The following NOX3 variants were observed in gnomAD, a reference collection of about 807,000 sequenced individuals.
NOX3 encodes the protein NADPH oxidase 3.
In NOX3, 74 loss-of-function variants were observed where a neutral mutation model predicts 76.7. That is an observed-to-expected ratio of 0.96 (90% CI 0.80 to 1.17). The LOEUF (loss-of-function observed/expected upper bound fraction) is 1.17. Among genes scored for constraint, NOX3 ranks in the 50% most tolerant of loss-of-function variants. The probability of loss-of-function intolerance (pLI) is 0.00; values close to 1 mark genes in which losing one functional copy is unlikely to be tolerated. For missense variants in NOX3, 695 were observed against 703.3 expected (o/e 0.99, Z 0.13); for synonymous variants, 263 against 261.1 (o/e 1.01, Z -0.07).
chr6:155,426,999 G>GTGTGTGTGTGTA (rs1554263758), intron 9 of NOX3, among the ~76,000 whole-genome samples: 69 of 119,816 alleles, frequency 5.8e-4, no homozygotes, highest in African/African-American at 1.4e-3. Flanking sequence ...GTGTGTGTGT[G>GTGTGTGTGTGTA]TGTGTGTGTG....
intron 10 of NOX3, among the ~76,000 whole-genome samples, chr6:155,420,600 T>C (rs1776676985): frequency 1.3e-5 from 2 of 152,330 alleles, no homozygotes; most frequent in East Asian, 1.9e-4. Flanking sequence ...AGGGTCCTCA[T>C]CAGTATTGAG....
intron 7 of NOX3, among the ~76,000 whole-genome samples, chr6:155,432,541 C>T (rs1261494591): frequency 1.3e-5 from 2 of 151,170 alleles, no homozygotes; most frequent in African/African-American, 4.8e-5. Context: ...GGTCACAAGT[C>T]TTTTAGCATT....
intron 9 of NOX3, 43 bp from the exon 10 acceptor site, chr6:155,422,899 C>A: frequency 6.2e-7 from 1 of 1,605,328 alleles, no homozygotes; most frequent in Non-Finnish European, 8.5e-7. Flanking sequence ...CTTCAGAACA[C>A]CTTGCTCGTG....
At position 155,453,932 on chromosome 6, in the gene NOX3, T is replaced by A. The variant is rs139340285; in HGVS notation, c.256-444A>T. ...CCTCGGAGATATTGTGGGTTTGATTTCAGACCACTGCAATAAAGCAAATAT... is the reference window on the plus strand; with the variant it reads ...CCTCGGAGATATTGTGGGTTTGATTACAGACCACTGCAATAAAGCAAATAT... On this transcript the variant is annotated intron_variant, in intron 3 of 13. Transcript: ENST00000159060. Among the ~76,000 whole-genome samples the A allele has an allele frequency of 2.3e-4, 35 of 152,270 alleles. No individual in the cohort carries two copies. In the East Asian group the frequency reaches 6.4e-3, roughly 28 times the overall value.
At chr6:155,452,818 C>A (rs532293642) in intron 4 of NOX3, among the ~76,000 whole-genome samples, 4 of 152,272 alleles carry the variant, frequency 2.6e-5, no homozygotes, top group African/African-American at 9.6e-5. Flanking sequence ...TCCTTTCTTC[C>A]TCATCAGAGT....
chr6:155,408,955 G>T (rs775153039), intron 11 of NOX3, among the ~76,000 whole-genome samples: 8 of 151,666 alleles, frequency 5.3e-5, no homozygotes, highest in East Asian at 1.9e-4. Context: ...CTCCAAAAGG[G>T]GGGGAGGGTG....
At chr6:155,455,251 T>C in intron 1 of NOX3, 122 bp from the exon 2 acceptor site, 1 of 625,978 alleles carries the variant, frequency 1.6e-6, no homozygotes, top group Non-Finnish European at 2.8e-6. Context: ...TCAGAATTAC[T>C]CCACATATTT....
chr6:155,438,237 C>T (rs922874355), intron 6 of NOX3, among the ~76,000 whole-genome samples: 3 of 152,164 alleles, frequency 2.0e-5, no homozygotes, highest in Non-Finnish European at 4.4e-5. Flanking sequence ...AAAGGGAGGA[C>T]TGACAGTCTC....
intron 12 of NOX3, among the ~76,000 whole-genome samples, chr6:155,400,788 C>A (rs1779214158): frequency 6.6e-6 from 1 of 152,156 alleles, no homozygotes. Flanking sequence ...CCTGCCCACA[C>A]TCCACAGGCT....
At chr6:155,429,530 T>TCTTCAAACTCA (rs1376515054) in intron 8 of NOX3, among the ~76,000 whole-genome samples, 4 of 152,246 alleles carry the variant, frequency 2.6e-5, no homozygotes, top group African/African-American at 9.6e-5. Context: ...TGAAAAACAA[T>TCTTCAAACTCA]CTTCAAACTC....
intron 10 of NOX3, 50 bp from the exon 11 acceptor site, chr6:155,411,410 C>G (rs1562459979): frequency 6.6e-7 from 1 of 1,520,324 alleles, no homozygotes; most frequent in South Asian, 1.3e-5. Context: ...TTCATATGTG[C>G]TGATAATCAC....
intron 4 of NOX3, among the ~76,000 whole-genome samples, chr6:155,447,418 A>T (rs1354165607): frequency 6.6e-6 from 1 of 152,194 alleles, no homozygotes; most frequent in East Asian, 1.9e-4. Context: ...CCACATGAGA[A>T]TTTGACACTG....
chr6:155,449,769 G>T lies in NOX3; in HGVS notation c.340+3635C>A, dbSNP rs371591863. On this transcript the variant is annotated intron_variant, in intron 4 of 13. Transcript: ENST00000159060. Reference sequence around the variant, plus strand: ...TTGGCATGCAAACTTCGATGTGGTCGCACTTTTTCCAAGGTTACACACCTC... The same window carrying T: ...TTGGCATGCAAACTTCGATGTGGTCTCACTTTTTCCAAGGTTACACACCTC... Among the ~76,000 whole-genome samples the T allele has an allele frequency of 2.0e-5, 3 of 152,220 alleles. No individual in the cohort carries two copies. In the South Asian group the frequency reaches 6.2e-4, roughly 32 times the overall value.
At chr6:155,398,812 T>C (rs1426217705) in intron 12 of NOX3, among the ~76,000 whole-genome samples, 2 of 152,354 alleles carry the variant, frequency 1.3e-5, no homozygotes, top group Non-Finnish European at 2.9e-5. Context: ...GTTTCTCATC[T>C]ATAAAATGGG....
At chr6:155,401,518 G>A (rs1226630134) in intron 12 of NOX3, among the ~76,000 whole-genome samples, 1 of 152,126 alleles carries the variant, frequency 6.6e-6, no homozygotes, top group Non-Finnish European at 1.5e-5. Context: ...TTGCACATAT[G>A]CACATACAAA....
At position 155,454,846 on chromosome 6, in the gene NOX3, G is replaced by T. The variant is rs12195525; in HGVS notation, c.220C>A (p.Arg74=). 0.12 allele frequency: 188,626 copies of T among 1,599,260 alleles called. 11,982 individuals carry two copies. Among genetic ancestry groups the T allele is most frequent in the Admixed American group, 0.23 (12,713 of 55,450 alleles). The change falls in exon 3 of 14, where the codon CGA becomes AGA. Residue 74 remains arginine, a synonymous_variant. Transcript: ENST00000159060. ...CCTCTTATGAATGAAATAAGGTTTC[G>T]ACTGACAGGTATTAGAATTAGCATG... ...NCMLILIPVS[R]NLISFIRGTS...
intron 11 of NOX3, among the ~76,000 whole-genome samples, chr6:155,408,238 G>A (rs534360422): frequency 1.3e-5 from 2 of 152,106 alleles, no homozygotes; most frequent in Non-Finnish European, 2.9e-5. Flanking sequence ...CACCCGCCTT[G>A]GCCTCCCAAA....
intron 11 of NOX3, among the ~76,000 whole-genome samples, chr6:155,410,622 A>G (rs1408727468): frequency 1.3e-5 from 2 of 152,342 alleles, no homozygotes; most frequent in African/African-American, 4.8e-5. Context: ...ATATTTCATT[A>G]ATACAATATA....
At chr6:155,413,722 G>A (rs944997910) in intron 10 of NOX3, among the ~76,000 whole-genome samples, 3 of 152,070 alleles carry the variant, frequency 2.0e-5, no homozygotes, top group South Asian at 2.1e-4. Context: ...ACCTATGCAT[G>A]ACCCCCTCCT....
Sources: allele counts gnomAD v4.1 joint callset (sites outside exome capture counted in the v4.1 genomes callset), GRCh38; gene constraint gnomAD v4.1.1; transcripts MANE v1.5; gene names NCBI Gene and HGNC (gene_info 2026-07-23, HGNC 2026-07-21).